SLC37A1: variants seen among roughly 807,000 people sequenced by gnomAD.
SLC37A1 encodes the protein solute carrier family 37 member 1.
Under a neutral mutation model 75.3 loss-of-function variants are expected in SLC37A1, and 49 were observed. That is an observed-to-expected ratio of 0.65 (90% confidence interval 0.52 to 0.83). The LOEUF (loss-of-function observed/expected upper bound fraction) is 0.83, where lower values mean the gene tolerates loss of function less well. Ranked by LOEUF, SLC37A1 falls within the 40% of genes least tolerant of loss-of-function variation. The pLI is 0.00. For missense variants in SLC37A1, 566 were observed against 695.0 expected, an observed-to-expected ratio of 0.81 and a Z score of 2.09; for synonymous variants, 268 against 292.1, an observed-to-expected ratio of 0.92 and a Z score of 0.84.
Position 42,534,727 on chromosome 21 carries a change from G to A in SLC37A1, c.168G>A (p.Trp56Ter). The A allele has an allele frequency of 6.2e-6, 10 of 1,613,960 alleles. No individual in the cohort carries two copies. The highest frequency in any genetic ancestry group is 8.5e-6 in the Non-Finnish European group (10 of 1,179,954). The change falls in exon 4 of 20, where the codon TGG becomes TGA. Residue 56 changes from tryptophan to a stop codon, truncating the protein, a stop_gained. Coordinates refer to ENST00000352133, the MANE Select transcript of SLC37A1 (RefSeq NM_001320537.2). LOFTEE classifies it high-confidence loss of function. The part of the protein sequence containing the change: ...KGELHKYCTA[W>*]DEADVRFSSQ... ...AGCTCCACAAGTACTGCACTGCTTG[G>A]GATGAAGCTGACGTCAGGTTCAGCA... is the stretch of plus-strand genomic sequence containing the variant.
At chr21:42,571,502 T>G (rs933588986) in intron 17 of SLC37A1, among the ~76,000 whole-genome samples, 1 of 152,200 alleles carries the variant, frequency 6.6e-6, no homozygotes, top group African/African-American at 2.4e-5. Context: ...ACAAGCTTAT[T>G]ATGTTGTACA....
rs1365445283 is a variant in SLC37A1 at position 42,552,116 on chromosome 21, T to C, written c.769-1946T>C. On this transcript the variant is annotated intron_variant, in intron 9 of 19. Transcript: ENST00000352133. The surrounding 1 kb of genome is among the most constrained non-coding windows in gnomAD (Gnocchi z 4.2). ...TTGAGTCTGAGGGTGCTAATAAGAA[T>C]GTGTCTCTTTATGCTTCTGCCCTGT... 6.6e-6 allele frequency among the ~76,000 whole-genome samples: 1 copy of C among 152,208 alleles called. No homozygotes were observed. The highest frequency in any genetic ancestry group is 1.5e-5 in the Non-Finnish European group (1 of 68,040).
In SLC37A1 at chr21:42,564,733, A is replaced by G. The variant is rs760962286; in HGVS notation, c.1161A>G (p.Ser387=). Residue 387 remains serine, a synonymous_variant, in exon 14 of 20, where the codon TCA becomes TCG. Transcript: ENST00000352133. ...GTGGGATCCTGGCAGGTGTGATCTC[A>G]GACCGACTGGAGAAAAGGGCCTCCA... ...IFGGILAGVI[S]DRLEKRASTC... 3 of 1,610,908 alleles carry G rather than the reference A, an allele frequency of 1.9e-6. No homozygotes were observed.
intron 2 of SLC37A1, 42 bp from the exon 3 acceptor site, chr21:42,525,734 C>G: frequency 7.1e-7 from 1 of 1,409,572 alleles, no homozygotes; most frequent in Non-Finnish European, 1.0e-6. Flanking sequence ...AACATAACTT[C>G]TGTTATTTCA....
chr21:42,549,700 G>A (rs1000832110), intron 9 of SLC37A1, among the ~76,000 whole-genome samples: 2 of 152,176 alleles, frequency 1.3e-5, no homozygotes, highest in African/African-American at 4.8e-5. Flanking sequence ...ATCAGCTGCT[G>A]TCCTTCTGTA....
intron 18 of SLC37A1, 106 bp downstream of exon 18, chr21:42,575,021 G>A (rs1207638627): frequency 6.6e-7 from 1 of 1,515,404 alleles, no homozygotes; most frequent in African/African-American, 1.4e-5. Flanking sequence ...TTATCAGAGA[G>A]GTTTGGGTCT....
At chr21:42,542,306 C>T (rs1348207066) in intron 6 of SLC37A1, 98 bp from the exon 7 acceptor site, 1 of 986,660 alleles carries the variant, frequency 1.0e-6, no homozygotes, top group East Asian at 2.6e-5. Context: ...GTCGTGCCCC[C>T]TGCTTTGTGT....
At chr21:42,568,761 T>C (rs1235526170) in intron 17 of SLC37A1, among the ~76,000 whole-genome samples, 1 of 151,644 alleles carries the variant, frequency 6.6e-6, no homozygotes, top group East Asian at 1.9e-4. Flanking sequence ...CAGAATCTTA[T>C]TTAAATTACA....
intron 9 of SLC37A1, among the ~76,000 whole-genome samples, chr21:42,551,977 C>G (rs1160726175): frequency 6.6e-6 from 1 of 152,204 alleles, no homozygotes; most frequent in Non-Finnish European, 1.5e-5. Flanking sequence ...TCCCCTGTAT[C>G]TCCTGTAAAC....
chr21:42,573,495 C>T (rs909331998), intron 17 of SLC37A1, among the ~76,000 whole-genome samples: 1 of 152,020 alleles, frequency 6.6e-6, no homozygotes, highest in Non-Finnish European at 1.5e-5. Flanking sequence ...ACGTGCCCTT[C>T]GGTGGGAGGA....
intron 9 of SLC37A1, 101 bp from the exon 10 acceptor site, chr21:42,553,961 C>CT: frequency 3.3e-6 from 3 of 916,586 alleles, no homozygotes; most frequent in Non-Finnish European, 4.9e-6. Context: ...CTCTTGGTAG[C>CT]TTTTTTGGGA....
At chr21:42,574,101 C>T (rs1232977337) in intron 17 of SLC37A1, among the ~76,000 whole-genome samples, 2 of 152,226 alleles carry the variant, frequency 1.3e-5, no homozygotes, top group Non-Finnish European at 2.9e-5. Context: ...GTAAGATGCA[C>T]ACATGCTGCC....
chr21:42,557,227 T>C (rs879644291), intron 10 of SLC37A1, among the ~76,000 whole-genome samples: 17 of 152,242 alleles, frequency 1.1e-4, no homozygotes, highest in Admixed American at 3.3e-4. Context: ...CGGAACGGCC[T>C]GTGAAGTCCT....
chr21:42,550,608 T>A (rs1202158003), intron 9 of SLC37A1, among the ~76,000 whole-genome samples: 1 of 148,382 alleles, frequency 6.7e-6, no homozygotes, highest in Non-Finnish European at 1.5e-5. Flanking sequence ...TATGAGGTGT[T>A]ATCGTAATAA....
At chr21:42,549,554 G>A (rs1162899945) in intron 9 of SLC37A1, among the ~76,000 whole-genome samples, 1 of 152,224 alleles carries the variant, frequency 6.6e-6, no homozygotes, top group Non-Finnish European at 1.5e-5. Flanking sequence ...GATATCTGGG[G>A]ATATTTTATC....
At chr21:42,540,748 C>CT (rs1345094380) in intron 6 of SLC37A1, among the ~76,000 whole-genome samples, 4 of 152,160 alleles carry the variant, frequency 2.6e-5, no homozygotes, top group African/African-American at 4.8e-5. Context: ...CAGGGGAATG[C>CT]TATAAAACCA....
At chr21:42,579,681 G>A (rs1040458182) in intron 18 of SLC37A1, 55 bp from the exon 19 acceptor site, 25 of 1,603,940 alleles carry the variant, frequency 1.6e-5, no homozygotes, top group Middle Eastern at 1.7e-4. Context: ...CCCACGGCGC[G>A]GGCCGCCCTG....
At chr21:42,557,088 GTCT>G (rs2055709436) in intron 10 of SLC37A1, among the ~76,000 whole-genome samples, 1 of 152,248 alleles carries the variant, frequency 6.6e-6, no homozygotes, top group Admixed American at 6.5e-5. Context: ...GGCCAAGTAG[GTCT>G]TCTGTGTTGA....
At chr21:42,525,495 C>G (rs1315629644) in intron 2 of SLC37A1, among the ~76,000 whole-genome samples, 1 of 152,216 alleles carries the variant, frequency 6.6e-6, no homozygotes, top group Admixed American at 6.5e-5. Flanking sequence ...CCCCTACACA[C>G]GTAGTGTTAG....
Sources: gnomAD v4.1 joint callset for allele counts (sites outside exome capture counted in the v4.1 genomes callset) on GRCh38, gnomAD v4.1.1 for gene constraint, Gnocchi (gnomAD v3.1) non-coding constraint, MANE v1.5 for transcripts, NCBI Gene and HGNC (gene_info 2026-07-23, HGNC 2026-07-21) for gene names.